ADGRL3: variants seen among roughly 807,000 people sequenced by gnomAD.
ADGRL3 encodes the protein adhesion G protein-coupled receptor L3.
ADGRL3 carries 62 observed loss-of-function variants against 153.5 expected under a neutral mutation model. The ratio of observed to expected loss-of-function variants is 0.40; its 90% CI spans 0.33 to 0.50. The LOEUF (loss-of-function observed/expected upper bound fraction) is 0.50. Among genes scored for constraint, ADGRL3 ranks in the 20% least tolerant of loss-of-function variants. ADGRL3 has a pLI of 0.47. For synonymous variants in ADGRL3, 710 were observed against 672.5 expected (o/e 1.06, Z -0.86); for missense variants, 1,641 against 1,859.4 (o/e 0.88, Z 2.16).
chr4:61,205,573 G>A (rs1261506113), intron 1 of ADGRL3, among the ~76,000 whole-genome samples: 1 of 152,082 alleles, frequency 6.6e-6, no homozygotes, highest in Non-Finnish European at 1.5e-5. Flanking sequence ...TTGCCCACAG[G>A]ACATATTTAC....
chr4:61,343,756 G>GA (rs1201967708), intron 1 of ADGRL3, among the ~76,000 whole-genome samples: 2 of 152,150 alleles, frequency 1.3e-5, no homozygotes, highest in Non-Finnish European at 2.9e-5. Context: ...CCTACAGGGG[G>GA]AAAAATGATT....
chr4:61,647,980 A>G (rs1349166526), intron 5 of ADGRL3, among the ~76,000 whole-genome samples: 1 of 152,152 alleles, frequency 6.6e-6, no homozygotes, highest in African/African-American at 2.4e-5. Flanking sequence ...TTCTGTGGGA[A>G]GACGTTTTAC....
At chr4:61,839,761 C>G (rs1271241566) in intron 9 of ADGRL3, among the ~76,000 whole-genome samples, 4 of 151,178 alleles carry the variant, frequency 2.6e-5, no homozygotes, top group Non-Finnish European at 2.9e-5. Flanking sequence ...TAGTGAGACC[C>G]TGTCTCTGCC....
chr4:61,929,414 G>T (rs890736491), intron 13 of ADGRL3, among the ~76,000 whole-genome samples: 2 of 152,168 alleles, frequency 1.3e-5, no homozygotes, highest in Non-Finnish European at 2.9e-5. Context: ...GCCCACTGGG[G>T]TATTGATTCT....
intron 24 of ADGRL3, among the ~76,000 whole-genome samples, chr4:62,041,826 A>G (rs1047610073): frequency 6.6e-6 from 1 of 152,122 alleles, no homozygotes; most frequent in African/African-American, 2.4e-5. Context: ...TCTGCCTGCA[A>G]TACTTCTCCT....
At chr4:61,243,822 A>G (rs186716023) in intron 1 of ADGRL3, among the ~76,000 whole-genome samples, 1 of 152,192 alleles carries the variant, frequency 6.6e-6, no homozygotes, top group Admixed American at 6.6e-5. Flanking sequence ...TGATTTTAAT[A>G]CGGTCATCAT....
At chr4:61,791,352 G>A (rs1398274182) in intron 8 of ADGRL3, among the ~76,000 whole-genome samples, 2 of 152,294 alleles carry the variant, frequency 1.3e-5, no homozygotes, top group Middle Eastern at 3.4e-3. Context: ...CAAAATCCAG[G>A]GAGGGCAGTC....
At chr4:61,939,549 A>C (rs1040140526) in intron 15 of ADGRL3, among the ~76,000 whole-genome samples, 1 of 151,038 alleles carries the variant, frequency 6.6e-6, no homozygotes, top group Non-Finnish European at 1.5e-5. Context: ...AGCTCACTGC[A>C]ACCTCCACCT....
intron 4 of ADGRL3, chr4:61,579,518 G>C (rs1005648158): frequency 1.7e-5 from 8 of 473,024 alleles, no homozygotes; most frequent in Non-Finnish European, 1.2e-5. Context: ...TCACACACTT[G>C]CTGCTTTTTT....
chr4:61,662,769 T>A (rs2094644827), intron 5 of ADGRL3, among the ~76,000 whole-genome samples: 1 of 152,202 alleles, frequency 6.6e-6, no homozygotes, highest in Non-Finnish European at 1.5e-5. Context: ...GAGCTTTTTC[T>A]GGCCATGCAT....
rs74614187 is a variant in ADGRL3, at chr4:61,433,083, T to C, written c.-174+49894T>C. The stretch of plus-strand genomic sequence containing the variant: ...GGCATCACTATGCATGGCTTATATA[T>C]GGTATTTTCAGTATTTTATATGTAT... On this transcript the variant is annotated intron_variant, in intron 2 of 26. Transcript: ENST00000683033. 4.4e-3 allele frequency among the ~76,000 whole-genome samples: 667 copies of C among 152,288 alleles called. 7 individuals are homozygous for C. The highest frequency in any genetic ancestry group is 0.015 in the African/African-American group (624 of 41,572).
intron 6 of ADGRL3, among the ~76,000 whole-genome samples, chr4:61,729,914 G>A (rs2096411253): frequency 6.6e-6 from 1 of 151,954 alleles, no homozygotes; most frequent in Non-Finnish European, 1.5e-5. Flanking sequence ...AAAGACCAGA[G>A]CCAGTGGCTC....
At chr4:61,619,654 T>G (rs1016125837) in intron 5 of ADGRL3, among the ~76,000 whole-genome samples, 2 of 152,196 alleles carry the variant, frequency 1.3e-5, no homozygotes, top group African/African-American at 4.8e-5. Context: ...GTGTTCGAAG[T>G]ACTTCTAGCT....
intron 21 of ADGRL3, among the ~76,000 whole-genome samples, chr4:62,026,738 G>A (rs1312680770): frequency 6.6e-6 from 1 of 151,736 alleles, no homozygotes; most frequent in Non-Finnish European, 1.5e-5. Context: ...GGTACATGAG[G>A]GCTATAGGTA....
At chr4:61,561,373 ACTACAT>A (rs760745477) in intron 4 of ADGRL3, among the ~76,000 whole-genome samples, 3 of 152,296 alleles carry the variant, frequency 2.0e-5, no homozygotes, top group Non-Finnish European at 4.4e-5. Flanking sequence ...ATTGCTTCAA[ACTACAT>A]CTCCTTTATA....
chr4:61,932,627 C>A (rs984491578), intron 13 of ADGRL3, among the ~76,000 whole-genome samples: 1 of 152,046 alleles, frequency 6.6e-6, no homozygotes, highest in South Asian at 2.1e-4. Flanking sequence ...ATATGGCCTG[C>A]AGTTTTCTCG....
intron 1 of ADGRL3, among the ~76,000 whole-genome samples, chr4:61,309,058 T>G (rs2094905850): frequency 6.6e-6 from 1 of 152,190 alleles, no homozygotes; most frequent in African/African-American, 2.4e-5. Context: ...TATATGATTT[T>G]AAGGTAAGTT....
At chr4:61,883,274 T>A (rs1194982096) in intron 9 of ADGRL3, among the ~76,000 whole-genome samples, 1 of 152,202 alleles carries the variant, frequency 6.6e-6, no homozygotes, top group Non-Finnish European at 1.5e-5. Flanking sequence ...TCTCTCCTAC[T>A]AATGTAAGCT....
At chr4:61,302,239 G>C (rs2094602106) in intron 1 of ADGRL3, among the ~76,000 whole-genome samples, 1 of 152,058 alleles carries the variant, frequency 6.6e-6, no homozygotes, top group Admixed American at 6.6e-5. Flanking sequence ...CAATAATAGA[G>C]TTAAAATGAT....
Sources: gnomAD v4.1 joint callset for allele counts (sites outside exome capture counted in the v4.1 genomes callset) on GRCh38, gnomAD v4.1.1 for gene constraint, MANE v1.5 for transcripts, NCBI Gene and HGNC (gene_info 2026-07-23, HGNC 2026-07-21) for gene names.